The following MTHFD1L variants were observed in gnomAD, a reference collection of about 807,000 sequenced individuals.
The protein encoded by MTHFD1L is methylenetetrahydrofolate dehydrogenase (NADP+ dependent) 1 like.
A neutral mutation model predicts 119.5 loss-of-function variants in MTHFD1L; 81 were observed. That is an observed-to-expected ratio of 0.68 (90% CI 0.57 to 0.82). MTHFD1L has a LOEUF of 0.82. Ranked by LOEUF, MTHFD1L falls within the 40% of genes least tolerant of loss-of-function variation. The probability of loss-of-function intolerance (pLI) is 0.00; values close to 1 mark genes in which losing one functional copy is unlikely to be tolerated. For synonymous variants in MTHFD1L, 430 were observed against 475.2 expected, an observed-to-expected ratio of 0.90 and a Z score of 1.24; for missense variants, 1,125 against 1,253.4, an observed-to-expected ratio of 0.90 and a Z score of 1.55.
chr6:151,016,590 G>T (rs1783098744), intron 24 of MTHFD1L, among the ~76,000 whole-genome samples: 1 of 151,580 alleles, frequency 6.6e-6, no homozygotes, highest in African/African-American at 2.4e-5. Flanking sequence ...CAAAGTGCTG[G>T]GATTATAGGC....
chr6:151,050,161 TTTG>T (rs1276042286), intron 26 of MTHFD1L, among the ~76,000 whole-genome samples: 1 of 152,082 alleles, frequency 6.6e-6, no homozygotes, highest in Non-Finnish European at 1.5e-5. Context: ...GCAATATCTT[TTTG>T]TTGTTGTTGT....
chr6:151,088,487 C>T (rs961354318), intron 26 of MTHFD1L: 1 of 152,192 alleles, frequency 6.6e-6, no homozygotes, highest in African/African-American at 2.4e-5. Context: ...GACAGATTCT[C>T]TCTCTGTTGC....
chr6:150,887,930 A>G lies in MTHFD1L; in HGVS notation c.729A>G (p.Lys243=), dbSNP rs1467489894. ...CTCTACAATGCCTGTTCCAGAGAAA[A>G]GGGTCCATGACAATGAGCATCCAGT... is the stretch of plus-strand genomic sequence containing the variant. ...EAALQCLFQR[K]GSMTMSIQWK... The change falls in exon 7 of 28, where the codon AAA becomes AAG. Residue 243 remains lysine (K), a synonymous_variant. Transcript: ENST00000367321. 2 of 1,609,996 alleles carry G rather than the reference A, an allele frequency of 1.2e-6. No homozygotes were observed. Among genetic ancestry groups the G allele is most frequent in the Non-Finnish European group, 8.5e-7 (1 of 1,178,452 alleles).
chr6:151,055,514 G>C (rs1789756960), intron 26 of MTHFD1L, among the ~76,000 whole-genome samples: 1 of 151,034 alleles, frequency 6.6e-6, no homozygotes, highest in South Asian at 2.1e-4. Context: ...CTATGTTTGT[G>C]CTGAATCTTT....
chr6:151,072,188 A>T (rs75607873), intron 26 of MTHFD1L, among the ~76,000 whole-genome samples: 160 of 148,242 alleles, frequency 1.1e-3, no homozygotes, highest in Non-Finnish European at 1.6e-3. Flanking sequence ...CCAAAAAAAA[A>T]TTATTTTTCC....
chr6:150,932,997 C>A (rs1410858186), intron 11 of MTHFD1L, among the ~76,000 whole-genome samples: 1 of 152,116 alleles, frequency 6.6e-6, no homozygotes, highest in Admixed American at 6.6e-5. Context: ...GGGGGGAAAA[C>A]TAAACCAAAT....
At chr6:151,038,824 G>A (rs1443178811) in intron 26 of MTHFD1L, among the ~76,000 whole-genome samples, 2 of 152,098 alleles carry the variant, frequency 1.3e-5, no homozygotes, top group Non-Finnish European at 2.9e-5. Flanking sequence ...GGAAGGGACC[G>A]TTCTAGCTTG....
In MTHFD1L at chr6:151,032,871, C is replaced by T. The variant is rs866883554; in HGVS notation, c.2587-1622C>T. ...ATAAAAACTGTAGTAATGAAAAACA[C>T]GTTTTAAAGCAGTTTTGGGTTCTAT... On this transcript the variant is annotated intron_variant, in intron 24 of 27. Coordinates refer to ENST00000367321, the MANE Select transcript of MTHFD1L (RefSeq NM_015440.5). 1.1e-4 allele frequency among the ~76,000 whole-genome samples: 16 copies of T among 152,254 alleles called. 1 individual carries two copies. In the Middle Eastern group the frequency reaches 0.01, roughly 97 times the overall value.
chr6:151,046,992 A>G (rs964620016), intron 26 of MTHFD1L, among the ~76,000 whole-genome samples: 1 of 152,208 alleles, frequency 6.6e-6, no homozygotes, highest in African/African-American at 2.4e-5. Context: ...AATATAACGG[A>G]TAATATCTGG....
At chr6:151,066,777 A>T (rs1327419350) in intron 26 of MTHFD1L, among the ~76,000 whole-genome samples, 4 of 151,984 alleles carry the variant, frequency 2.6e-5, no homozygotes, top group Non-Finnish European at 5.9e-5. Context: ...AAAAAAAAAA[A>T]AAAGTGTCCT....
chr6:150,907,115 T>G (rs1786056492), intron 8 of MTHFD1L, among the ~76,000 whole-genome samples: 1 of 152,202 alleles, frequency 6.6e-6, no homozygotes, highest in Non-Finnish European at 1.5e-5. Flanking sequence ...TTGTTTCTTG[T>G]AAATGAATGC....
chr6:150,996,665 C>T (rs1779845528), intron 20 of MTHFD1L, among the ~76,000 whole-genome samples: 1 of 152,164 alleles, frequency 6.6e-6, no homozygotes, highest in Admixed American at 6.5e-5. Flanking sequence ...CCTGAGCAGC[C>T]GGCTGGGCCA....
chr6:150,950,527 C>T (rs1445385945), intron 16 of MTHFD1L, among the ~76,000 whole-genome samples: 1 of 152,204 alleles, frequency 6.6e-6, no homozygotes, highest in Non-Finnish European at 1.5e-5. Flanking sequence ...TCAGTTTCCT[C>T]ATCTTTAAAA....
At chr6:151,031,000 G>A (rs1419124263) in intron 24 of MTHFD1L, among the ~76,000 whole-genome samples, 1 of 152,178 alleles carries the variant, frequency 6.6e-6, no homozygotes, top group Non-Finnish European at 1.5e-5. Flanking sequence ...GGGCAACATG[G>A]TGAGACCTCA....
Position 151,088,979 on chromosome 6 carries a change from A to G in MTHFD1L, c.2848-3488A>G, listed in dbSNP as rs541830298. Among the ~76,000 whole-genome samples, 11 of 152,344 alleles carry G rather than the reference A, an allele frequency of 7.2e-5. No homozygotes were observed. In the South Asian group the frequency reaches 2.1e-3, roughly 29 times the overall value. The stretch of plus-strand genomic sequence containing the variant: ...TATGTTATCTGCAGTAGAGTCTTCC[A>G]TTGGTAGCTTTGGTCAGACGAGCTG... On this transcript the variant is annotated intron_variant, in intron 26 of 27. Transcript: ENST00000367321.
intron 12 of MTHFD1L, 119 bp from the exon 13 acceptor site, chr6:150,938,580 C>A: frequency 9.9e-7 from 1 of 1,013,166 alleles, no homozygotes; most frequent in Admixed American, 2.0e-5. Context: ...CCTTTTGTTA[C>A]TTCATCTTGG....
chr6:150,910,435 T>C (rs1279672089), intron 8 of MTHFD1L, among the ~76,000 whole-genome samples: 4 of 148,126 alleles, frequency 2.7e-5, no homozygotes, highest in African/African-American at 1.0e-4. Context: ...TGGTGGCGCA[T>C]GCCTGTAATC....
At chr6:150,973,826 G>A (rs6919851) in intron 20 of MTHFD1L, among the ~76,000 whole-genome samples, 64,949 of 151,948 alleles carry the variant, frequency 0.43, 15,950 homozygotes, top group African/African-American at 0.63. Context: ...ATGTGTAGCC[G>A]TGGACTCAGA....
chr6:150,970,451 A>G (rs181947255), intron 19 of MTHFD1L, among the ~76,000 whole-genome samples: 108 of 152,336 alleles, frequency 7.1e-4, no homozygotes, highest in Middle Eastern at 3.4e-3. Context: ...CTAAACTTCA[A>G]TAAAATTTGG....
Sources: gnomAD v4.1 joint callset for allele counts (sites outside exome capture counted in the v4.1 genomes callset) on GRCh38, gnomAD v4.1.1 for gene constraint, MANE v1.5 for transcripts, NCBI Gene and HGNC (gene_info 2026-07-23, HGNC 2026-07-21) for gene names.